The following LPP variants were observed in gnomAD, a reference collection of about 807,000 sequenced individuals.
LPP encodes LIM domain containing preferred translocation partner in lipoma.
Under a neutral mutation model 60.4 loss-of-function variants are expected in LPP, and 38 were observed. That is an observed-to-expected ratio of 0.63 (90% CI 0.49 to 0.83). LPP has a LOEUF of 0.83. LPP is among the 40% of genes least tolerant of loss of function. LPP has a pLI of 0.00. For missense variants in LPP, 902 were observed against 783.6 expected, an observed-to-expected ratio of 1.15 and a Z score of -1.80; for synonymous variants, 328 against 290.8, an observed-to-expected ratio of 1.13 and a Z score of -1.30.
Position 188,154,180 on chromosome 3 carries a change from C to A in LPP, c.-262C>A, listed in dbSNP as rs541358117. 9.3e-6 allele frequency: 2 copies of A among 215,814 alleles called. No individual in the cohort carries two copies. Among genetic ancestry groups the A allele is most frequent in the Admixed American group, 1.2e-4 (2 of 16,938 alleles). The allele number at this position is 215,814 out of a possible 1,614,324, so 13.4% of individuals were successfully genotyped here. ...GCACCTCCTCCTCTGCCTCTGCCTC[C>A]GCCTCCAGCCGCCGCCGCCGCCGCC... On this transcript the variant is annotated 5_prime_UTR_variant, in exon 1 of 12. Coordinates refer to ENST00000617246, the MANE Select transcript of LPP (RefSeq NM_001375462.1).
At chr3:188,566,282 T>C (rs551097920) in intron 6 of LPP, among the ~76,000 whole-genome samples, 18 of 152,072 alleles carry the variant, frequency 1.2e-4, no homozygotes, top group African/African-American at 4.3e-4. Flanking sequence ...ATATCTTGAC[T>C]TTCATATGTG....
At chr3:188,265,214 T>C (rs1266850345) in intron 2 of LPP, among the ~76,000 whole-genome samples, 3 of 152,252 alleles carry the variant, frequency 2.0e-5, no homozygotes, top group African/African-American at 7.2e-5. Context: ...TGTTTTGTTT[T>C]GTTTTATGTT....
At chr3:188,624,229 T>G (rs1293787044) in intron 7 of LPP, among the ~76,000 whole-genome samples, 1 of 152,166 alleles carries the variant, frequency 6.6e-6, no homozygotes, top group Non-Finnish European at 1.5e-5. Context: ...CATTGTTTTG[T>G]ACATTTGCAT....
At chr3:188,844,373 A>G (rs1250091399) in intron 9 of LPP, among the ~76,000 whole-genome samples, 1 of 152,202 alleles carries the variant, frequency 6.6e-6, no homozygotes, top group African/African-American at 2.4e-5. Flanking sequence ...TCCTCTTTAC[A>G]ATACATAGAG....
chr3:188,472,797 T>A (rs2149537281), intron 4 of LPP: 2 of 152,304 alleles, frequency 1.3e-5, no homozygotes, highest in East Asian at 3.9e-4. Context: ...TGGAGATATT[T>A]TACATGTTCC....
intron 6 of LPP, among the ~76,000 whole-genome samples, chr3:188,544,398 T>C (rs1825985431): frequency 6.6e-6 from 1 of 152,240 alleles, no homozygotes; most frequent in South Asian, 2.1e-4. Flanking sequence ...TTCATTTATG[T>C]CTGATGAACA....
intron 6 of LPP, among the ~76,000 whole-genome samples, chr3:188,539,025 C>A (rs1824422417): frequency 6.6e-6 from 1 of 152,096 alleles, no homozygotes; most frequent in African/African-American, 2.4e-5. Flanking sequence ...GGGGACAATA[C>A]AGAGTGGCTA....
In LPP at chr3:188,276,889, CTTTTCTTTTTT is replaced by C. The variant is rs1209348204; in HGVS notation, c.-67+51367_-67+51377del. Among the ~76,000 whole-genome samples, 175 of 60,156 alleles carry C rather than the reference CTTTTCTTTTTT, an allele frequency of 2.9e-3. 1 individual carries two copies. Among genetic ancestry groups the C allele is most frequent in the Admixed American group, 0.011 (68 of 6,030 alleles). The allele number at this position is 60,156 out of a possible 152,430, so 39.5% of individuals were successfully genotyped here. ...ATTCAACAACTCAACCACTTCTTTT[CTTTTCTTTTTT>C]TTTTTTTTTTTTTTTTTTTGGAGAG... On this transcript the variant is annotated intron_variant, in intron 2 of 11. Transcript: ENST00000617246.
chr3:188,694,697 C>CAA (rs1346492955), intron 7 of LPP, among the ~76,000 whole-genome samples: 8 of 112,622 alleles, frequency 7.1e-5, no homozygotes, highest in African/African-American at 2.4e-4. Context: ...AACTCCATCT[C>CAA]AAAAAAAAAA....
intron 3 of LPP, among the ~76,000 whole-genome samples, chr3:188,362,518 C>T (rs1032879381): frequency 1.3e-5 from 2 of 152,208 alleles, no homozygotes; most frequent in Non-Finnish European, 2.9e-5. Flanking sequence ...GATACTTTTA[C>T]ATCCCCTTCC....
At chr3:188,521,152 GCTACTA>G (rs1399653533) in intron 5 of LPP, among the ~76,000 whole-genome samples, 2 of 152,178 alleles carry the variant, frequency 1.3e-5, no homozygotes, top group African/African-American at 4.8e-5. Context: ...TAGGAGTAAA[GCTACTA>G]TAGTATTTGC....
At chr3:188,275,045 C>A (rs1001785522) in intron 2 of LPP, among the ~76,000 whole-genome samples, 1 of 152,162 alleles carries the variant, frequency 6.6e-6, no homozygotes, top group Middle Eastern at 3.2e-3. Flanking sequence ...ACTGTTATTT[C>A]TTTAAAGGAA....
chr3:188,738,223 G>A (rs1378432431), intron 8 of LPP, among the ~76,000 whole-genome samples: 2 of 152,010 alleles, frequency 1.3e-5, no homozygotes, highest in African/African-American at 4.8e-5. Flanking sequence ...ATGATGATCG[G>A]TCACGTTGTG....
chr3:188,434,148 C>T (rs1309050773), intron 4 of LPP, among the ~76,000 whole-genome samples: 1 of 152,116 alleles, frequency 6.6e-6, no homozygotes, highest in Non-Finnish European at 1.5e-5. Flanking sequence ...AGTTCTACAG[C>T]TTACTGCAGT....
chr3:188,315,665 T>A (rs1193950534), intron 2 of LPP, among the ~76,000 whole-genome samples: 2 of 152,208 alleles, frequency 1.3e-5, no homozygotes, highest in Non-Finnish European at 2.9e-5. Flanking sequence ...GAACCTTGTC[T>A]GTTTATTTAT....
chr3:188,451,821 G>T (rs115107345), intron 4 of LPP, among the ~76,000 whole-genome samples: 19 of 152,150 alleles, frequency 1.2e-4, no homozygotes, highest in Non-Finnish European at 2.2e-4. Context: ...ACAGGCAAGA[G>T]GGAATGTGGC....
intron 9 of LPP, among the ~76,000 whole-genome samples, chr3:188,859,011 C>A (rs529798904): frequency 2.0e-5 from 3 of 147,994 alleles, no homozygotes; most frequent in Admixed American, 6.9e-5. Flanking sequence ...ATCGCTTGAA[C>A]CTCGGAGGCA....
chr3:188,532,702 A>G (rs1822520529), intron 6 of LPP, among the ~76,000 whole-genome samples: 1 of 152,160 alleles, frequency 6.6e-6, no homozygotes, highest in Non-Finnish European at 1.5e-5. Context: ...TATTTCAAAA[A>G]TGGGCAGGGT....
chr3:188,474,910 A>G (rs751282955), intron 4 of LPP, among the ~76,000 whole-genome samples: 1 of 152,226 alleles, frequency 6.6e-6, no homozygotes, highest in Non-Finnish European at 1.5e-5. Context: ...GATAGCAATT[A>G]CTATGTTTTT....
Sources: gnomAD v4.1 joint callset for allele counts (sites outside exome capture counted in the v4.1 genomes callset) on GRCh38, gnomAD v4.1.1 for gene constraint, MANE v1.5 for transcripts, NCBI Gene and HGNC (gene_info 2026-07-23, HGNC 2026-07-21) for gene names.